Variants in COL27A1 observed in about 807,000 individuals in gnomAD.
The protein encoded by COL27A1 is collagen type XXVII alpha 1 chain, also known as collagen alpha-1(XXVII) chain.
Under a neutral mutation model 251.3 loss-of-function variants are expected in COL27A1, and 106 were observed. The observed-to-expected ratio is 0.42, with a 90% confidence interval of 0.36 to 0.50. COL27A1 has a LOEUF of 0.50. Ranked by LOEUF, COL27A1 falls within the 20% of genes least tolerant of loss-of-function variation. The pLI, the probability that COL27A1 is intolerant of heterozygous loss-of-function variation, is 0.00. For missense variants in COL27A1, 2,325 were observed against 2,522.8 expected, an observed-to-expected ratio of 0.92 and a Z score of 1.68; for synonymous variants, 1,000 against 986.3, an observed-to-expected ratio of 1.01 and a Z score of -0.26.
intron 24 of COL27A1, among the ~76,000 whole-genome samples, chr9:114,250,195 A>G (rs967966845): frequency 1.2e-4 from 18 of 152,178 alleles, no homozygotes; most frequent in African/African-American, 4.3e-4. Flanking sequence ...GGAGGCTGTT[A>G]CGGTATTTCT....
At chr9:114,163,532 T>C (rs1848634998) in intron 2 of COL27A1, among the ~76,000 whole-genome samples, 1 of 152,164 alleles carries the variant, frequency 6.6e-6, no homozygotes, top group Non-Finnish European at 1.5e-5. Context: ...GGGGCAGCGA[T>C]GGGCTGGCTT....
chr9:114,220,074 G>A (rs1303499572), intron 13 of COL27A1, among the ~76,000 whole-genome samples: 1 of 152,130 alleles, frequency 6.6e-6, no homozygotes, highest in Non-Finnish European at 1.5e-5. Flanking sequence ...TGAGCCCCTG[G>A]GTCCAAAGCT....
intron 11 of COL27A1, 141 bp from the exon 12 acceptor site, chr9:114,210,841 C>T: frequency 1.3e-6 from 1 of 753,884 alleles, no homozygotes; most frequent in Non-Finnish European, 2.3e-6. Flanking sequence ...ATGTGCATGT[C>T]ACTGGGGCCG....
intron 14 of COL27A1, among the ~76,000 whole-genome samples, chr9:114,224,645 GTTCTTTT>G (rs1831342897): frequency 9.4e-6 from 1 of 106,072 alleles, no homozygotes; most frequent in African/African-American, 3.5e-5. Flanking sequence ...AGCCCTCCTG[GTTCTTTT>G]TTTTTTTTTT....
At chr9:114,258,684 C>A in intron 28 of COL27A1, 90 bp downstream of exon 28, 1 of 1,331,460 alleles carries the variant, frequency 7.5e-7, no homozygotes, top group Non-Finnish European at 1.1e-6. Context: ...CTGGGCTTTG[C>A]CCCTAGCCCA....
intron 41 of COL27A1, among the ~76,000 whole-genome samples, chr9:114,285,633 G>A (rs555512699): frequency 5.3e-5 from 8 of 152,144 alleles, no homozygotes; most frequent in Middle Eastern, 3.2e-3. Context: ...CTGCCCAGCC[G>A]ACCCCTTCCT....
At chr9:114,253,314 A>AG (rs1833680038) in intron 27 of COL27A1, among the ~76,000 whole-genome samples, 1 of 151,246 alleles carries the variant, frequency 6.6e-6, no homozygotes, top group Non-Finnish European at 1.5e-5. Flanking sequence ...AAAGAAAGAA[A>AG]GAAAGAGAGA....
chr9:114,171,325 C>T (rs1368572495), intron 3 of COL27A1, among the ~76,000 whole-genome samples: 4 of 152,148 alleles, frequency 2.6e-5, no homozygotes, highest in Non-Finnish European at 5.9e-5. Flanking sequence ...ACTGTAGCCT[C>T]CAAGACTAGC....
At chr9:114,296,347 A>G (rs1484892908) in intron 49 of COL27A1, among the ~76,000 whole-genome samples, 5 of 152,356 alleles carry the variant, frequency 3.3e-5, no homozygotes, top group Admixed American at 3.3e-4. Context: ...AGAACTCGCA[A>G]AACTCAATAA....
chr9:114,196,092 C>A, intron 7 of COL27A1, 80 bp downstream of exon 7: 1 of 1,224,108 alleles, frequency 8.2e-7, no homozygotes, highest in Non-Finnish European at 1.2e-6. Context: ...AGCTGTGGGC[C>A]CACCTGCCTC....
At chr9:114,171,147 T>G (rs1015988606) in intron 3 of COL27A1, among the ~76,000 whole-genome samples, 6 of 152,028 alleles carry the variant, frequency 3.9e-5, no homozygotes, top group Non-Finnish European at 5.9e-5. Flanking sequence ...CCAAATCTCT[T>G]TGAAAAAGAG....
intron 5 of COL27A1, among the ~76,000 whole-genome samples, chr9:114,188,690 A>G (rs1828551917): frequency 6.6e-6 from 1 of 152,210 alleles, no homozygotes; most frequent in Non-Finnish European, 1.5e-5. Context: ...CATGAGAGAC[A>G]TATAAGTGCT....
intron 5 of COL27A1, among the ~76,000 whole-genome samples, chr9:114,184,169 T>A (rs1405342228): frequency 6.6e-6 from 1 of 152,210 alleles, no homozygotes; most frequent in Non-Finnish European, 1.5e-5. Context: ...TCAGCCTGTG[T>A]CATCTGTGGG....
In COL27A1 at chr9:114,311,548, G is replaced by GAAAAAAAAAAAAAAAAAAAAAAAA. The variant is rs56094843; in HGVS notation, c.*870_*871insAAAAAAAAAAAAAAAAAAAAAAAA. 3 of 96,212 alleles carry GAAAAAAAAAAAAAAAAAAAAAAAA rather than the reference G, an allele frequency of 3.1e-5. No individual in the cohort carries two copies. Among genetic ancestry groups the GAAAAAAAAAAAAAAAAAAAAAAAA allele is most frequent in the Non-Finnish European group, 7.2e-5 (3 of 41,938 alleles). The allele number at this position is 96,212 out of a possible 1,614,324, so 6.0% of individuals were successfully genotyped here. On this transcript the variant is annotated 3_prime_UTR_variant, in exon 61 of 61. Coordinates refer to ENST00000356083, the MANE Select transcript of COL27A1 (RefSeq NM_032888.4). Reference sequence around the variant, plus strand: ...AGGAGGAAAAAAGAAAAGAAAAAAGGAAAAAAAAAAAAAAAAAGCAAAACA... The same window carrying GAAAAAAAAAAAAAAAAAAAAAAAA: ...AGGAGGAAAAAAGAAAAGAAAAAAGGAAAAAAAAAAAAAAAAAAAAAAAAAAAAAAAAAAAAAAAAAGCAAAACA...
At chr9:114,192,814 G>A (rs1408774222) in intron 5 of COL27A1, among the ~76,000 whole-genome samples, 1 of 152,216 alleles carries the variant, frequency 6.6e-6, no homozygotes, top group Non-Finnish European at 1.5e-5. Flanking sequence ...CCTTCTGGAG[G>A]CACTTTCTAG....
chr9:114,272,021 C>T (rs1458770575), intron 36 of COL27A1: 1 of 152,260 alleles, frequency 6.6e-6, no homozygotes, highest in Non-Finnish European at 1.5e-5. Flanking sequence ...AGTCCCAAGA[C>T]CCGGAGCATT....
intron 48 of COL27A1, 132 bp downstream of exon 48, chr9:114,291,049 C>T (rs913903479): frequency 2.8e-5 from 17 of 612,848 alleles, no homozygotes; most frequent in Non-Finnish European, 4.6e-5. Context: ...GTTGACCTTT[C>T]TCCGTCAGCA....
chr9:114,293,310 C>T (rs1828041870), intron 49 of COL27A1, among the ~76,000 whole-genome samples: 1 of 152,038 alleles, frequency 6.6e-6, no homozygotes, highest in East Asian at 1.9e-4. Context: ...AAAGAAGAGA[C>T]CAAAAGAGAT....
intron 59 of COL27A1, among the ~76,000 whole-genome samples, chr9:114,308,908 G>A (rs1249757): frequency 0.02 from 3,051 of 152,226 alleles, 92 homozygotes; most frequent in African/African-American, 0.071. Context: ...TGCATTCCAT[G>A]AGCCTCTTAG....
Sources: gnomAD v4.1 joint callset for allele counts (sites outside exome capture counted in the v4.1 genomes callset) on GRCh38, gnomAD v4.1.1 for gene constraint, MANE v1.5 for transcripts, NCBI Gene and HGNC (gene_info 2026-07-23, HGNC 2026-07-21) for gene names.